GUCY1A2: variants seen among roughly 807,000 people sequenced by gnomAD.
The protein encoded by GUCY1A2 is guanylate cyclase soluble subunit alpha-2.
In GUCY1A2, 27 loss-of-function variants were observed where a neutral mutation model predicts 63.5. The observed-to-expected ratio is 0.43, with a 90% CI of 0.31 to 0.59. The LOEUF (loss-of-function observed/expected upper bound fraction) is 0.59, where lower values mean the gene tolerates loss of function less well. Ranked by LOEUF, GUCY1A2 falls within the 20% of genes least tolerant of loss-of-function variation. The pLI is 0.11. For synonymous variants in GUCY1A2, 364 were observed against 343.5 expected (o/e 1.06, Z -0.66); for missense variants, 768 against 913.3 (o/e 0.84, Z 2.05).
At chr11:106,793,276 A>C (rs981976430) in intron 5 of GUCY1A2, among the ~76,000 whole-genome samples, 18 of 152,116 alleles carry the variant, frequency 1.2e-4, no homozygotes, top group African/African-American at 3.9e-4. Context: ...TCTTCAATAA[A>C]TTGGTTGGGC....
At chr11:106,938,694 A>G (rs1860711795) in intron 4 of GUCY1A2, among the ~76,000 whole-genome samples, 1 of 152,194 alleles carries the variant, frequency 6.6e-6, no homozygotes, top group Admixed American at 6.5e-5. Flanking sequence ...ACATTTTATT[A>G]TCTATTTTAA....
chr11:106,874,787 AT>A (rs1591310321), intron 4 of GUCY1A2, among the ~76,000 whole-genome samples: 1 of 152,096 alleles, frequency 6.6e-6, no homozygotes. Context: ...CTGGAAAAAA[AT>A]ATTGTAATAT....
Position 107,013,427 on chromosome 11 carries a change from C to T in GUCY1A2, c.303+4326G>A, listed in dbSNP as rs541038185. 2.1e-3 allele frequency among the ~76,000 whole-genome samples: 319 copies of T among 152,234 alleles called. 2 individuals carry two copies. The highest frequency in any genetic ancestry group is 5.0e-3 in the South Asian group (24 of 4,820). On this transcript the variant is annotated intron_variant, in intron 1 of 7. Transcript: ENST00000526355. ...CAAATAAATAAGTCGCTAAGTTCAC[C>T]CTTGATGTGAAATCCCCAGCTGTTG...
Position 106,942,904 on chromosome 11 carries a change from C to T in GUCY1A2, c.488-2726G>A, listed in dbSNP as rs575115584. ...TATTGTTAATTTTCAAATGATGATGCTAAGGAATACCAGATGCTAAAGTGA... is the reference window on the plus strand; with the variant it reads ...TATTGTTAATTTTCAAATGATGATGTTAAGGAATACCAGATGCTAAAGTGA... On this transcript the variant is annotated intron_variant, in intron 3 of 7. Transcript: ENST00000526355. Among the ~76,000 whole-genome samples, 33 of 152,122 alleles carry T rather than the reference C, an allele frequency of 2.2e-4. 2 individuals are homozygous for T. The South Asian group carries it at 6.7e-3, about 31-fold the overall frequency.
intron 4 of GUCY1A2, among the ~76,000 whole-genome samples, chr11:106,847,698 C>G (rs879917618): frequency 6.6e-6 from 1 of 151,446 alleles, no homozygotes; most frequent in African/African-American, 2.4e-5. Context: ...AGAGGCTGAG[C>G]CCTAGAAATT....
intron 3 of GUCY1A2, among the ~76,000 whole-genome samples, chr11:106,953,578 T>G (rs1591341437): frequency 6.6e-6 from 1 of 152,198 alleles, no homozygotes. Flanking sequence ...TTGTTTAGAA[T>G]AGTTTTAGAA....
intron 4 of GUCY1A2, among the ~76,000 whole-genome samples, chr11:106,887,014 C>T (rs1859909656): frequency 6.6e-6 from 1 of 152,080 alleles, no homozygotes; most frequent in East Asian, 1.9e-4. Context: ...TCACTCCAGC[C>T]CCTATATCTA....
At chr11:106,725,013 T>C (rs1348619953) in intron 6 of GUCY1A2, among the ~76,000 whole-genome samples, 1 of 152,152 alleles carries the variant, frequency 6.6e-6, no homozygotes, top group Non-Finnish European at 1.5e-5. Context: ...AGAATATTAA[T>C]TTTCACAATA....
intron 1 of GUCY1A2, among the ~76,000 whole-genome samples, chr11:107,011,876 G>A (rs529833011): frequency 1.2e-4 from 18 of 152,026 alleles, no homozygotes; most frequent in African/African-American, 4.1e-4. Flanking sequence ...CATTAGCTAT[G>A]TAATTGTTGC....
At position 106,687,653 on chromosome 11, in the gene GUCY1A2, C is replaced by G. The variant is rs1565258011; in HGVS notation, c.2095G>C (p.Val699Leu). The G allele has an allele frequency of 3.1e-6, 5 of 1,613,578 alleles. No individual in the cohort carries two copies. The highest frequency in any genetic ancestry group is 4.2e-6 in the Non-Finnish European group (5 of 1,179,556). The change falls in exon 8 of 8, where the codon GTA becomes CTA. Residue 699 changes from valine (V) to leucine (L), a missense_variant. By Grantham distance (32) the Val-to-Leu change is conservative. Around this residue, in one of 3 missense-constraint regions of GUCY1A2, gnomAD observed 150 missense variants for 188.3 expected, o/e 0.80. Coordinates refer to ENST00000526355, the MANE Select transcript of GUCY1A2 (RefSeq NM_000855.3). Reference sequence around the variant, plus strand: ...TTTGGTGGCTTTGGACCAGTCCTTACCTCCAGGAAATAGCAGATCCCAGGA... The same window carrying G: ...TTTGGTGGCTTTGGACCAGTCCTTAGCTCCAGGAAATAGCAGATCCCAGGA... Reference protein sequence around the residue: ...EIPGICYFLEVRTGPKPPKPS... With the variant: ...EIPGICYFLELRTGPKPPKPS...
intron 5 of GUCY1A2, among the ~76,000 whole-genome samples, chr11:106,787,745 A>G (rs376648905): frequency 2.0e-5 from 3 of 151,624 alleles, no homozygotes; most frequent in Non-Finnish European, 4.4e-5. Flanking sequence ...ATAGTACCCC[A>G]TTGTGTATAT....
chr11:106,928,472 C>T (rs1377509795), intron 4 of GUCY1A2, among the ~76,000 whole-genome samples: 3 of 151,860 alleles, frequency 2.0e-5, no homozygotes, highest in African/African-American at 7.3e-5. Context: ...TTTTTGACCC[C>T]CCTGTATCTC....
At chr11:106,829,090 G>C (rs975640060) in intron 4 of GUCY1A2, among the ~76,000 whole-genome samples, 3 of 152,144 alleles carry the variant, frequency 2.0e-5, no homozygotes, top group African/African-American at 4.8e-5. Flanking sequence ...GAGTCTGCTC[G>C]ACGAACAAAG....
In GUCY1A2 at chr11:106,675,191, C is replaced by T. The variant is rs185621961; in HGVS notation, c.*12358G>A. 9.8e-6 allele frequency: 2 copies of T among 203,112 alleles called. No individual in the cohort carries two copies. The highest frequency in any genetic ancestry group is 1.5e-4 in the East Asian group (2 of 13,312). The allele number at this position is 203,112 out of a possible 1,614,324, so 12.6% of individuals were successfully genotyped here. A position where few individuals can be genotyped will look rare whatever the true frequency, so the allele number is the denominator to read the frequency against. ...AAAGCATAATGAGACAGTTTTGTCA[C>T]TTAATTACCGAAGTTATAATGTAGC... On this transcript the variant is annotated 3_prime_UTR_variant, in exon 8 of 8. Transcript: ENST00000526355.
At chr11:106,699,804 C>A (rs181631077) in intron 7 of GUCY1A2, among the ~76,000 whole-genome samples, 1 of 150,222 alleles carries the variant, frequency 6.7e-6, no homozygotes, top group Non-Finnish European at 1.5e-5. Flanking sequence ...TTTTTTGAGG[C>A]GGAGTCTCGG....
chr11:106,739,203 T>C (rs1863645562), intron 6 of GUCY1A2, among the ~76,000 whole-genome samples: 1 of 152,188 alleles, frequency 6.6e-6, no homozygotes, highest in East Asian at 1.9e-4. Context: ...TGTCTATTAT[T>C]GGTGTATAGG....
At chr11:106,811,889 G>T (rs897226659) in intron 4 of GUCY1A2, among the ~76,000 whole-genome samples, 2 of 151,944 alleles carry the variant, frequency 1.3e-5, no homozygotes, top group South Asian at 4.1e-4. Flanking sequence ...CTTTTCAAAC[G>T]TATCACAGTA....
At chr11:106,794,055 T>C (rs933692349) in intron 5 of GUCY1A2, among the ~76,000 whole-genome samples, 2 of 152,156 alleles carry the variant, frequency 1.3e-5, no homozygotes, top group Admixed American at 6.6e-5. Context: ...TCCATGTTCA[T>C]TGCAGCATTA....
At chr11:106,967,202 C>T (rs1024513702) in intron 3 of GUCY1A2, among the ~76,000 whole-genome samples, 6 of 152,138 alleles carry the variant, frequency 3.9e-5, no homozygotes, top group Admixed American at 1.3e-4. Context: ...ATATCTTCTT[C>T]GCAAAGATCC....
Sources: allele counts gnomAD v4.1 joint callset (sites outside exome capture counted in the v4.1 genomes callset), GRCh38; gene constraint gnomAD v4.1.1; regional missense constraint gnomAD v4.1.1; transcripts MANE v1.5; gene names NCBI Gene and HGNC (gene_info 2026-07-23, HGNC 2026-07-21).